GSG1L: variants seen among roughly 807,000 people sequenced by gnomAD.
The protein encoded by GSG1L is GSG1 like.
A neutral mutation model predicts 42.1 loss-of-function variants in GSG1L; 24 were observed. The observed-to-expected ratio is 0.57, with a 90% CI of 0.41 to 0.80. GSG1L has a LOEUF of 0.80. Ranked by LOEUF, GSG1L falls within the 30% of genes least tolerant of loss-of-function variation. GSG1L has a pLI of 0.00. For missense variants in GSG1L, 445 were observed against 472.2 expected (o/e 0.94, Z 0.53); for synonymous variants, 215 against 203.5 (o/e 1.06, Z -0.48).
chr16:27,845,105 G>A, intron 3 of GSG1L, 44 bp from the exon 4 acceptor site: 1 of 1,363,144 alleles, frequency 7.3e-7, no homozygotes, highest in Non-Finnish European at 1.0e-6. Flanking sequence ...AGTAAGGAAG[G>A]GCTTTGTCCC....
At chr16:27,968,917 T>G (rs2085162502) in intron 1 of GSG1L, among the ~76,000 whole-genome samples, 1 of 152,290 alleles carries the variant, frequency 6.6e-6, no homozygotes, top group Non-Finnish European at 1.5e-5. Context: ...GAGACAAGCC[T>G]GGCCAACATG....
intron 4 of GSG1L, among the ~76,000 whole-genome samples, chr16:27,840,781 C>T (rs541669289): frequency 5.3e-5 from 8 of 152,322 alleles, no homozygotes; most frequent in Admixed American, 1.3e-4. Flanking sequence ...GGAACACTCA[C>T]TCTTGAGATA....
chr16:27,976,871 A>T (rs2085256737), intron 1 of GSG1L, among the ~76,000 whole-genome samples: 1 of 151,922 alleles, frequency 6.6e-6, no homozygotes, highest in Non-Finnish European at 1.5e-5. Flanking sequence ...TTCACCAACC[A>T]CTCGCTCCAT....
At chr16:28,057,746 C>T (rs896241701) in intron 1 of GSG1L, among the ~76,000 whole-genome samples, 2 of 152,272 alleles carry the variant, frequency 1.3e-5, no homozygotes, top group African/African-American at 4.8e-5. Flanking sequence ...TCAACCCCAA[C>T]GATGCTATCA....
intron 4 of GSG1L, among the ~76,000 whole-genome samples, chr16:27,842,114 C>T (rs2384814): frequency 1.0e-4 from 10 of 98,048 alleles, no homozygotes; most frequent in African/African-American, 2.7e-4. Context: ...TCGCGCGTGC[C>T]GAATTTCACA....
chr16:27,900,305 A>G (rs76342047), intron 2 of GSG1L, among the ~76,000 whole-genome samples: 1,934 of 152,214 alleles, frequency 0.013, 47 homozygotes, highest in African/African-American at 0.045. Context: ...CATCTCCACA[A>G]CCACTCTATG....
At chr16:27,807,983 C>G (rs1194600598) in intron 5 of GSG1L, among the ~76,000 whole-genome samples, 4 of 152,136 alleles carry the variant, frequency 2.6e-5, no homozygotes, top group Non-Finnish European at 4.4e-5. Flanking sequence ...GGTGATTATC[C>G]CTACATAATG....
intron 3 of GSG1L, among the ~76,000 whole-genome samples, chr16:27,883,802 G>A (rs149744554): frequency 6.6e-6 from 1 of 152,100 alleles, no homozygotes; most frequent in Non-Finnish European, 1.5e-5. Flanking sequence ...CTGCTGCAGC[G>A]ACCCTGGGCA....
At chr16:28,032,702 G>A (rs2085979806) in intron 1 of GSG1L, among the ~76,000 whole-genome samples, 1 of 152,112 alleles carries the variant, frequency 6.6e-6, no homozygotes, top group Admixed American at 6.5e-5. Flanking sequence ...TCAGTAATGG[G>A]CACAACCATC....
At chr16:27,864,010 T>G (rs1322846116) in intron 3 of GSG1L, among the ~76,000 whole-genome samples, 1 of 152,248 alleles carries the variant, frequency 6.6e-6, no homozygotes, top group Non-Finnish European at 1.5e-5. Flanking sequence ...GTCAGGAATC[T>G]GTCTCTTCCT....
At position 27,789,346 on chromosome 16, in the gene GSG1L, A is replaced by C. The variant is rs2082726122; in HGVS notation, c.*2024T>G. 1 of 152,046 alleles carries C rather than the reference A, an allele frequency of 6.6e-6. No homozygotes were observed. Among genetic ancestry groups the C allele is most frequent in the Admixed American group, 6.5e-5 (1 of 15,270 alleles). The allele number at this position is 152,046 out of a possible 1,614,324, so 9.4% of individuals were successfully genotyped here. A position where few individuals can be genotyped will look rare whatever the true frequency, so the allele number is the denominator to read the frequency against. On this transcript the variant is annotated 3_prime_UTR_variant, in exon 7 of 7. Transcript: ENST00000447459. ...GGATGAATGGATGTGTGGATGACGG[A>C]TAATGGATGGATGGATGGTTGATGG...
At chr16:27,811,470 C>T (rs1397586799) in intron 5 of GSG1L, among the ~76,000 whole-genome samples, 1 of 152,152 alleles carries the variant, frequency 6.6e-6, no homozygotes, top group African/African-American at 2.4e-5. Context: ...GGAGAGTGGA[C>T]CAGGTAACAG....
At chr16:28,043,081 G>T (rs1227282797) in intron 1 of GSG1L, among the ~76,000 whole-genome samples, 5 of 152,222 alleles carry the variant, frequency 3.3e-5, no homozygotes, top group African/African-American at 1.2e-4. Flanking sequence ...GAGGTATTTT[G>T]ATATGAGTCA....
At position 27,844,970 on chromosome 16, in the gene GSG1L, C is replaced by A; in HGVS notation, c.642G>T (p.Trp214Cys). 1 of 1,611,664 alleles carries A rather than the reference C, an allele frequency of 6.2e-7. No homozygotes were observed. Among genetic ancestry groups the A allele is most frequent in the African/African-American group, 1.3e-5 (1 of 74,966 alleles). ...CTTACCAGAAGGACCACCCGTAGTC[C>A]CAGGAATGGGGTCTCCAGTCCTCAG... ...LGPEDWRPHS[W>C]DYGWSFCLAW... Residue 214 changes from tryptophan to cysteine, a missense_variant, in exon 4 of 7, where the codon TGG becomes TGT. Trp to Cys is a radical substitution (Grantham distance 215). Around this residue, in one of 3 missense-constraint regions of GSG1L, gnomAD observed 149 missense variants for 223.3 expected, o/e 0.67. Transcript: ENST00000447459.
chr16:27,821,041 A>C (rs2083146304), intron 5 of GSG1L, among the ~76,000 whole-genome samples: 1 of 150,976 alleles, frequency 6.6e-6, no homozygotes, highest in Non-Finnish European at 1.5e-5. Flanking sequence ...GTATTGAAAA[A>C]CTCAGCTCAG....
At chr16:28,041,248 T>C (rs1198800528) in intron 1 of GSG1L, among the ~76,000 whole-genome samples, 1 of 152,026 alleles carries the variant, frequency 6.6e-6, no homozygotes. Flanking sequence ...CTCAGGAGTT[T>C]GAGACCAGCC....
intron 1 of GSG1L, among the ~76,000 whole-genome samples, chr16:28,033,532 G>A (rs1320306525): frequency 1.3e-5 from 2 of 151,992 alleles, no homozygotes; most frequent in Non-Finnish European, 2.9e-5. Context: ...GGTAGGAAGG[G>A]GAGGAGGAAA....
intron 1 of GSG1L, among the ~76,000 whole-genome samples, chr16:28,015,873 T>C (rs980424528): frequency 2.6e-5 from 4 of 152,244 alleles, no homozygotes; most frequent in Non-Finnish European, 4.4e-5. Flanking sequence ...ACCTCTCTGC[T>C]GCCACTGGGC....
chr16:27,816,192 C>T (rs546080458), intron 5 of GSG1L, among the ~76,000 whole-genome samples: 8 of 152,278 alleles, frequency 5.3e-5, no homozygotes, highest in Admixed American at 3.3e-4. Flanking sequence ...CTATCCGGTG[C>T]CCCCTCCCCA....
Sources: gnomAD v4.1 joint callset for allele counts (sites outside exome capture counted in the v4.1 genomes callset) on GRCh38, gnomAD v4.1.1 for gene constraint, gnomAD v4.1.1 regional missense constraint, MANE v1.5 for transcripts, NCBI Gene and HGNC (gene_info 2026-07-23, HGNC 2026-07-21) for gene names.